PCDH9: variants seen among roughly 807,000 people sequenced by gnomAD.
PCDH9 encodes the protein protocadherin-9.
A neutral mutation model predicts 70.6 loss-of-function variants in PCDH9; 24 were observed. The observed-to-expected ratio is 0.34, with a 90% CI of 0.25 to 0.48. PCDH9 has a LOEUF of 0.48. PCDH9 is among the 20% of genes least tolerant of loss of function. PCDH9 has a pLI of 0.99. For synonymous variants in PCDH9, 562 were observed against 558.5 expected, an observed-to-expected ratio of 1.01 and a Z score of -0.09; for missense variants, 1,281 against 1,503.6, an observed-to-expected ratio of 0.85 and a Z score of 2.45.
chr13:66,577,241 T>C (rs2076828658), intron 4 of PCDH9, among the ~76,000 whole-genome samples: 1 of 151,818 alleles, frequency 6.6e-6, no homozygotes, highest in African/African-American at 2.4e-5. Flanking sequence ...CAATAATATA[T>C]AAATTGAGAT....
intron 4 of PCDH9, among the ~76,000 whole-genome samples, chr13:66,451,219 G>T (rs1958202190): frequency 6.6e-6 from 1 of 152,060 alleles, no homozygotes. Flanking sequence ...GGTATATGCT[G>T]CACAAAATGA....
At chr13:66,390,341 C>T (rs1426506558) in intron 4 of PCDH9, among the ~76,000 whole-genome samples, 2 of 152,012 alleles carry the variant, frequency 1.3e-5, no homozygotes, top group Non-Finnish European at 2.9e-5. Flanking sequence ...CACCCTTTGA[C>T]CTTATAATTA....
At chr13:66,968,838 C>G (rs911748751) in intron 2 of PCDH9, among the ~76,000 whole-genome samples, 1 of 151,862 alleles carries the variant, frequency 6.6e-6, no homozygotes, top group South Asian at 2.1e-4. Flanking sequence ...TTATAACAAC[C>G]ATTTAGTGTG....
intron 3 of PCDH9, among the ~76,000 whole-genome samples, chr13:66,867,379 A>G (rs2081595409): frequency 6.6e-6 from 1 of 152,194 alleles, no homozygotes; most frequent in South Asian, 2.1e-4. Context: ...GTATCTAAAT[A>G]TTTAAAATAC....
intron 4 of PCDH9, among the ~76,000 whole-genome samples, chr13:66,454,551 T>A (rs1566338273): frequency 2.0e-5 from 3 of 152,186 alleles, no homozygotes; most frequent in Non-Finnish European, 4.4e-5. Context: ...AAGATATATA[T>A]GAAAGGCTGT....
chr13:66,843,325 G>T (rs1483252619), intron 3 of PCDH9, among the ~76,000 whole-genome samples: 1 of 149,718 alleles, frequency 6.7e-6, no homozygotes, highest in Non-Finnish European at 1.5e-5. Flanking sequence ...GTCTATTAAA[G>T]AAGTATTCAG....
chr13:66,757,095 C>T (rs1002429324), intron 3 of PCDH9, among the ~76,000 whole-genome samples: 1 of 152,150 alleles, frequency 6.6e-6, no homozygotes. Context: ...CCTCAGCCTC[C>T]CAAAGTGCTG....
intron 3 of PCDH9, among the ~76,000 whole-genome samples, chr13:66,792,444 C>T: frequency 6.6e-6 from 1 of 151,872 alleles, no homozygotes; most frequent in Admixed American, 6.6e-5. Context: ...CTGAGGTGGG[C>T]AGATCACCTG....
intron 2 of PCDH9, 195 bp downstream of exon 2, chr13:67,225,210 G>T (rs751317880): frequency 7.5e-7 from 1 of 1,330,868 alleles, no homozygotes; most frequent in Non-Finnish European, 9.8e-7. Context: ...AATATTCTCA[G>T]AACTCAGAAA....
intron 2 of PCDH9, among the ~76,000 whole-genome samples, chr13:67,179,327 A>T (rs1286614237): frequency 6.6e-6 from 1 of 152,114 alleles, no homozygotes; most frequent in Admixed American, 6.6e-5. Flanking sequence ...TTTTAATTTA[A>T]ACATCTGCAC....
chr13:66,424,732 A>C (rs921587482), intron 4 of PCDH9, among the ~76,000 whole-genome samples: 1 of 151,990 alleles, frequency 6.6e-6, no homozygotes, highest in African/African-American at 2.4e-5. Context: ...AGGTGAAGAA[A>C]CAATTTCGTC....
At chr13:66,348,917 C>T (rs1956253376) in intron 4 of PCDH9, among the ~76,000 whole-genome samples, 1 of 152,082 alleles carries the variant, frequency 6.6e-6, no homozygotes, top group Non-Finnish European at 1.5e-5. Context: ...GTAACCTTTC[C>T]CTTCCCTTGT....
chr13:66,529,516 TC>T (rs1405801649), intron 4 of PCDH9, among the ~76,000 whole-genome samples: 1 of 152,068 alleles, frequency 6.6e-6, no homozygotes, highest in South Asian at 2.1e-4. Flanking sequence ...TCATATTTGT[TC>T]CAAAAACTAA....
chr13:67,176,590 C>T (rs183503978), intron 2 of PCDH9, among the ~76,000 whole-genome samples: 17 of 151,940 alleles, frequency 1.1e-4, no homozygotes, highest in African/African-American at 2.4e-5. Context: ...AGCTAAAGTC[C>T]TACAGAGCTT....
chr13:67,181,340 T>A (rs1025878686), intron 2 of PCDH9, among the ~76,000 whole-genome samples: 3 of 152,172 alleles, frequency 2.0e-5, no homozygotes, highest in African/African-American at 7.2e-5. Context: ...GTCTTAGTTT[T>A]TAGGAAATCA....
intron 3 of PCDH9, among the ~76,000 whole-genome samples, chr13:66,809,987 G>A (rs917871312): frequency 6.6e-6 from 1 of 151,928 alleles, no homozygotes; most frequent in Non-Finnish European, 1.5e-5. Context: ...CAATAAAACA[G>A]GTACATGAAA....
At chr13:66,481,668 G>C (rs758789118) in intron 4 of PCDH9, among the ~76,000 whole-genome samples, 1 of 152,092 alleles carries the variant, frequency 6.6e-6, no homozygotes, top group African/African-American at 2.4e-5. Flanking sequence ...ACTATGTACT[G>C]TCATTTAAAA....
At chr13:66,525,093 G>A (rs77131400) in intron 4 of PCDH9, among the ~76,000 whole-genome samples, 2,250 of 152,074 alleles carry the variant, frequency 0.015, 43 homozygotes, top group African/African-American at 0.052. Flanking sequence ...AACCTCAGCT[G>A]AATACTCCTC....
At chr13:66,431,503 T>A (rs1957770283) in intron 4 of PCDH9, among the ~76,000 whole-genome samples, 1 of 152,068 alleles carries the variant, frequency 6.6e-6, no homozygotes, top group African/African-American at 2.4e-5. Flanking sequence ...TGGTGATTTA[T>A]CAATAATGTA....
Sources: gnomAD v4.1 joint callset for allele counts (sites outside exome capture counted in the v4.1 genomes callset) on GRCh38, gnomAD v4.1.1 for gene constraint, MANE v1.5 for transcripts, NCBI Gene and HGNC (gene_info 2026-07-23, HGNC 2026-07-21) for gene names.